SHISA9: variants seen among roughly 807,000 people sequenced by gnomAD.
The protein encoded by SHISA9 is shisa family member 9.
Under a neutral mutation model 38.0 loss-of-function variants are expected in SHISA9, and 13 were observed. The observed-to-expected ratio is 0.34, with a 90% CI of 0.22 to 0.54. The LOEUF is 0.54. Among genes scored for constraint, SHISA9 ranks in the 20% least tolerant of loss-of-function variants. The pLI is 0.91. For missense variants in SHISA9, 538 were observed against 575.8 expected (o/e 0.93, Z 0.67); for synonymous variants, 275 against 242.0 (o/e 1.14, Z -1.27).
At chr16:13,027,123 G>T (rs1323463049) in intron 2 of SHISA9, among the ~76,000 whole-genome samples, 1 of 152,180 alleles carries the variant, frequency 6.6e-6, no homozygotes, top group Non-Finnish European at 1.5e-5. Flanking sequence ...CAAGATTTCT[G>T]TTCTCAACAT....
At chr16:13,493,465 G>C in the SHISA9 span, among the ~76,000 whole-genome samples, 571 of 152,334 alleles carry the variant, frequency 3.7e-3, 3 homozygotes, top group African/African-American at 0.013. Flanking sequence ...GCGAGGTCAG[G>C]AAGGGAAAAG....
chr16:13,352,699 A>AGCGGGGG, the SHISA9 span, among the ~76,000 whole-genome samples: 1 of 6,694 alleles, frequency 1.5e-4, no homozygotes, highest in African/African-American at 3.5e-4. Context: ...AAGGGAGATA[A>AGCGGGGG]GGGGGGGGGG....
the SHISA9 span, among the ~76,000 whole-genome samples, chr16:13,521,129 T>G: frequency 2.8e-4 from 42 of 152,150 alleles, no homozygotes; most frequent in Non-Finnish European, 6.0e-4. Flanking sequence ...CCAGGTTAGG[T>G]GTGATCATTC....
chr16:13,263,449 A>T, the SHISA9 span, among the ~76,000 whole-genome samples: 1 of 152,032 alleles, frequency 6.6e-6, no homozygotes, highest in East Asian at 1.9e-4. Context: ...TGGTGATTGA[A>T]AAGTATATAG....
the SHISA9 span, among the ~76,000 whole-genome samples, chr16:13,283,306 T>C: frequency 1.3e-5 from 2 of 152,130 alleles, no homozygotes; most frequent in Non-Finnish European, 1.5e-5. Context: ...CTTATTTGGG[T>C]TTTCTTTTAG....
At chr16:13,264,091 C>T in the SHISA9 span, among the ~76,000 whole-genome samples, 1 of 151,764 alleles carries the variant, frequency 6.6e-6, no homozygotes, top group Non-Finnish European at 1.5e-5. Context: ...GTATGTCTTG[C>T]TTTATGGGTG....
the SHISA9 span, among the ~76,000 whole-genome samples, chr16:13,369,272 C>T: frequency 1.3e-5 from 2 of 151,846 alleles, no homozygotes; most frequent in Non-Finnish European, 2.9e-5. Flanking sequence ...GTTGTCAACA[C>T]CTGGGAGAAC....
intron 2 of SHISA9, among the ~76,000 whole-genome samples, chr16:13,101,677 T>C (rs761002068): frequency 4.6e-5 from 7 of 152,236 alleles, no homozygotes; most frequent in Non-Finnish European, 8.8e-5. Context: ...AGTAGTTTTA[T>C]TTCTAATTTT....
At chr16:13,212,075 G>C (rs935155818) in intron 3 of SHISA9, among the ~76,000 whole-genome samples, 1 of 152,154 alleles carries the variant, frequency 6.6e-6, no homozygotes. Flanking sequence ...AGCATCCTTT[G>C]GCACGCCTGG....
chr16:13,256,400 G>A, the SHISA9 span, among the ~76,000 whole-genome samples: 11 of 152,242 alleles, frequency 7.2e-5, no homozygotes, highest in African/African-American at 1.7e-4. Context: ...TCCTGCCTCC[G>A]CCTCTCAAGT....
chr16:13,370,531 G>C, the SHISA9 span, among the ~76,000 whole-genome samples: 3 of 152,144 alleles, frequency 2.0e-5, no homozygotes, highest in African/African-American at 7.2e-5. Flanking sequence ...ACCGACTTAC[G>C]AAGGCATTGC....
intron 2 of SHISA9, among the ~76,000 whole-genome samples, chr16:13,189,565 T>C (rs192095497): frequency 6.6e-5 from 10 of 152,318 alleles, no homozygotes; most frequent in African/African-American, 2.4e-4. Context: ...TGTGCCTTTT[T>C]ATTTGGCCTT....
chr16:12,979,456 C>T (rs998389616), intron 2 of SHISA9, among the ~76,000 whole-genome samples: 7 of 152,120 alleles, frequency 4.6e-5, no homozygotes, highest in African/African-American at 1.7e-4. Context: ...TGATAAGCGC[C>T]TGTGAGCCCA....
chr16:13,324,210 G>T, the SHISA9 span, among the ~76,000 whole-genome samples: 2 of 152,162 alleles, frequency 1.3e-5, no homozygotes, highest in Admixed American at 6.5e-5. Context: ...TTTTCTTTAT[G>T]AATTACCCAG....
At chr16:13,421,252 A>G in the SHISA9 span, among the ~76,000 whole-genome samples, 1 of 152,156 alleles carries the variant, frequency 6.6e-6, no homozygotes, top group Non-Finnish European at 1.5e-5. Flanking sequence ...CCAATATACC[A>G]TCCTTGGGCT....
chr16:12,933,970 A>T (rs1365818901), intron 2 of SHISA9, among the ~76,000 whole-genome samples: 1 of 152,160 alleles, frequency 6.6e-6, no homozygotes, highest in Admixed American at 6.5e-5. Flanking sequence ...TCACTGAGAA[A>T]GTGATCATTA....
chr16:13,424,783 A>C, the SHISA9 span, among the ~76,000 whole-genome samples: 1 of 152,244 alleles, frequency 6.6e-6, no homozygotes. Context: ...TTATTTATAA[A>C]ATAAAGCGTA....
chr16:13,105,777 A>G (rs116521504), intron 2 of SHISA9, among the ~76,000 whole-genome samples: 1,586 of 152,292 alleles, frequency 0.01, 27 homozygotes, highest in African/African-American at 0.036. Flanking sequence ...TAGGTTCCTC[A>G]GCTCCTCTTG....
chr16:13,116,668 G>A (rs1248198504), intron 2 of SHISA9, among the ~76,000 whole-genome samples: 2 of 152,162 alleles, frequency 1.3e-5, no homozygotes, highest in Non-Finnish European at 2.9e-5. Context: ...GTGTGTGAAT[G>A]GATCCAGGTA....
Sources: gnomAD v4.1 joint callset for allele counts (sites outside exome capture counted in the v4.1 genomes callset) on GRCh38, gnomAD v4.1.1 for gene constraint, MANE v1.5 for transcripts, NCBI Gene and HGNC (gene_info 2026-07-23, HGNC 2026-07-21) for gene names.